The following TUBGCP3 variants were observed in gnomAD, a reference collection of about 807,000 sequenced individuals.
The protein encoded by TUBGCP3 is gamma-tubulin complex component 3.
Under a neutral mutation model 123.1 loss-of-function variants are expected in TUBGCP3, and 50 were observed. The observed-to-expected ratio is 0.41, with a 90% CI of 0.32 to 0.51. The LOEUF (loss-of-function observed/expected upper bound fraction) is 0.51, where lower values mean the gene tolerates loss of function less well. TUBGCP3 is among the 20% of genes least tolerant of loss of function. TUBGCP3 has a pLI of 0.36. For missense variants in TUBGCP3, 882 were observed against 1,127.0 expected (o/e 0.78, Z 3.11); for synonymous variants, 405 against 413.9 (o/e 0.98, Z 0.26).
intron 8 of TUBGCP3, among the ~76,000 whole-genome samples, chr13:112,551,820 C>T (rs554867536): frequency 5.9e-5 from 9 of 151,982 alleles, no homozygotes; most frequent in South Asian, 2.1e-4. Context: ...CAGCAGTCCC[C>T]GACCTTTTTG....
intron 1 of TUBGCP3, among the ~76,000 whole-genome samples, chr13:112,575,951 C>T (rs984005042): frequency 1.3e-5 from 2 of 152,190 alleles, no homozygotes. Flanking sequence ...GCAGTCAGCC[C>T]CAGGACACTG....
At chr13:112,553,923 C>G in intron 8 of TUBGCP3, 134 bp downstream of exon 8, 2 of 1,379,736 alleles carry the variant, frequency 1.4e-6, no homozygotes, top group Non-Finnish European at 2.0e-6. Flanking sequence ...TTGAGTGGAC[C>G]CTGAAAGTTG....
intron 2 of TUBGCP3, among the ~76,000 whole-genome samples, chr13:112,567,235 T>C (rs986730753): frequency 1.3e-5 from 2 of 152,238 alleles, no homozygotes; most frequent in Non-Finnish European, 2.9e-5. Flanking sequence ...AAACTCTACA[T>C]TGCTGCAGTT....
intron 1 of TUBGCP3, among the ~76,000 whole-genome samples, chr13:112,573,187 G>A (rs78717945): frequency 0.024 from 3,610 of 150,994 alleles, 63 homozygotes; most frequent in Admixed American, 0.053. Flanking sequence ...AATGGCCTAC[G>A]AGATTAGACA....
At chr13:112,535,161 A>G (rs574694605) in intron 11 of TUBGCP3, among the ~76,000 whole-genome samples, 1 of 152,332 alleles carries the variant, frequency 6.6e-6, no homozygotes, top group Admixed American at 6.5e-5. Flanking sequence ...CATTGTATGG[A>G]TATACGTCAT....
chr13:112,568,062 C>T lies in TUBGCP3; in HGVS notation c.184+1090G>A, dbSNP rs536817079. ...TAGAAGGTGTTATCACTAAGACCCA[C>T]GGCCAAATGGACTTCTAGAAGGTGT... On this transcript the variant is annotated intron_variant, in intron 2 of 21. Coordinates refer to ENST00000261965, the MANE Select transcript of TUBGCP3 (RefSeq NM_006322.6). 1.6e-4 allele frequency among the ~76,000 whole-genome samples: 20 copies of T among 128,460 alleles called. No individual in the cohort carries two copies. The East Asian group carries it at 3.8e-3, about 25-fold the overall frequency. 84.3% of individuals were successfully genotyped at this position (128,460 alleles called of 152,430 possible).
At chr13:112,542,070 C>T (rs1642260934) in intron 11 of TUBGCP3, among the ~76,000 whole-genome samples, 1 of 151,926 alleles carries the variant, frequency 6.6e-6, no homozygotes, top group Admixed American at 6.6e-5. Context: ...TTCTGGTGTA[C>T]ATGCTGGTCA....
chr13:112,504,803 T>TAAAACAA, intron 17 of TUBGCP3, 89 bp from the exon 18 acceptor site: 1 of 1,058,350 alleles, frequency 9.4e-7, no homozygotes, highest in Non-Finnish European at 1.4e-6. Context: ...CAAGCTATCT[T>TAAAACAA]AAAACAAAAA....
intron 21 of TUBGCP3, among the ~76,000 whole-genome samples, chr13:112,487,075 G>GTC (rs1208190517): frequency 6.8e-6 from 1 of 147,992 alleles, no homozygotes; most frequent in East Asian, 2.0e-4. Context: ...GTGTGTGTGT[G>GTC]TGTGTGTCTG....
chr13:112,583,107 C>CT (rs1882386839), intron 1 of TUBGCP3, among the ~76,000 whole-genome samples: 1 of 152,192 alleles, frequency 6.6e-6, no homozygotes, highest in African/African-American at 2.4e-5. Context: ...GAGCAAACTA[C>CT]TTAATCTCTC....
intron 10 of TUBGCP3, 42 bp downstream of exon 10, chr13:112,547,578 C>T (rs989170496): frequency 2.1e-6 from 3 of 1,434,232 alleles, no homozygotes; most frequent in Non-Finnish European, 1.8e-6. Flanking sequence ...GTGGGAAAGT[C>T]GCGCGTGGGA....
In TUBGCP3 at chr13:112,556,108, A is replaced by T; in HGVS notation, c.665T>A (p.Val222Asp). Residue 222 changes from valine to aspartate, a missense_variant, in exon 6 of 22, where the codon GTC becomes GAC. By Grantham distance (152) the Val-to-Asp change is radical (BLOSUM62 -3). Coordinates refer to ENST00000261965, the MANE Select transcript of TUBGCP3 (RefSeq NM_006322.6). ...CATGTTGCGAGACACAGCACTGGGG[A>T]CACCTTTTGAGGTAGTGGCTTGTGA... ...PSSQATTSKGVPSAVSRNMTR... is the reference protein window; with the variant it reads ...PSSQATTSKGDPSAVSRNMTR... The T allele has an allele frequency of 6.2e-7, 1 of 1,614,094 alleles. No homozygotes were observed. Among genetic ancestry groups the T allele is most frequent in the Non-Finnish European group, 8.5e-7 (1 of 1,180,004 alleles).
intron 3 of TUBGCP3, among the ~76,000 whole-genome samples, chr13:112,564,621 G>C (rs1462571023): frequency 6.6e-6 from 1 of 151,980 alleles, no homozygotes; most frequent in African/African-American, 2.4e-5. Context: ...TTTGAGACCA[G>C]CCTGGGGAAC....
At chr13:112,528,026 A>G (rs1877275408) in intron 11 of TUBGCP3, among the ~76,000 whole-genome samples, 1 of 152,212 alleles carries the variant, frequency 6.6e-6, no homozygotes, top group Non-Finnish European at 1.5e-5. Flanking sequence ...GGCACTGTAG[A>G]AGTGACCCCT....
intron 1 of TUBGCP3, among the ~76,000 whole-genome samples, chr13:112,581,485 G>A (rs185508120): frequency 9.0e-5 from 13 of 144,932 alleles, no homozygotes; most frequent in African/African-American, 2.9e-4. Context: ...TCACTCTGTC[G>A]CCCAGGCTGG....
At chr13:112,504,765 C>T (rs1881176301) in intron 17 of TUBGCP3, 51 bp from the exon 18 acceptor site, 1 of 1,446,250 alleles carries the variant, frequency 6.9e-7, no homozygotes, top group African/African-American at 1.4e-5. Context: ...CACTTACCGA[C>T]AACGCGCTGT....
At chr13:112,560,553 C>T (rs551516817) in intron 3 of TUBGCP3, among the ~76,000 whole-genome samples, 2 of 152,308 alleles carry the variant, frequency 1.3e-5, no homozygotes, top group South Asian at 2.1e-4. Flanking sequence ...CAGTCTGATT[C>T]GCAAACATAA....
intron 11 of TUBGCP3, among the ~76,000 whole-genome samples, chr13:112,531,366 A>T (rs549254202): frequency 6.6e-6 from 1 of 152,348 alleles, no homozygotes; most frequent in Admixed American, 6.5e-5. Context: ...GGTAAACAGC[A>T]GTACTATCAC....
intron 17 of TUBGCP3, among the ~76,000 whole-genome samples, chr13:112,509,792 A>G (rs1201848160): frequency 6.6e-6 from 1 of 152,232 alleles, no homozygotes; most frequent in African/African-American, 2.4e-5. Context: ...ATGAGAAATT[A>G]AACACTACAG....
Sources: gnomAD v4.1 joint callset for allele counts (sites outside exome capture counted in the v4.1 genomes callset) on GRCh38, gnomAD v4.1.1 for gene constraint, MANE v1.5 for transcripts, NCBI Gene and HGNC (gene_info 2026-07-23, HGNC 2026-07-21) for gene names.